Variants in ADCYAP1R1 observed in about 807,000 individuals in gnomAD.
The protein encoded by ADCYAP1R1 is pituitary adenylate cyclase-activating polypeptide type I receptor.
In ADCYAP1R1, 44 loss-of-function variants were observed where a neutral mutation model predicts 67.6. That is an observed-to-expected ratio of 0.65 (90% CI 0.51 to 0.84). The LOEUF is 0.84. Ranked by LOEUF, ADCYAP1R1 falls within the 40% of genes least tolerant of loss-of-function variation. ADCYAP1R1 has a pLI of 0.00. For synonymous variants in ADCYAP1R1, 222 were observed against 219.6 expected, an observed-to-expected ratio of 1.01 and a Z score of -0.10; for missense variants, 477 against 587.9, an observed-to-expected ratio of 0.81 and a Z score of 1.95.
intron 13 of ADCYAP1R1, among the ~76,000 whole-genome samples, chr7:31,101,695 G>C (rs1796444183): frequency 6.6e-6 from 1 of 152,214 alleles, no homozygotes; most frequent in Non-Finnish European, 1.5e-5. Context: ...GGATGCTGAG[G>C]CTCTCAAAGT....
intron 13 of ADCYAP1R1, among the ~76,000 whole-genome samples, chr7:31,095,312 A>G (rs1313199408): frequency 6.6e-6 from 1 of 152,182 alleles, no homozygotes; most frequent in African/African-American, 2.4e-5. Flanking sequence ...TTTCACCCCA[A>G]GCTTGACAGC....
Position 31,071,426 on chromosome 7 carries a change from A to G in ADCYAP1R1, c.157+6490A>G, listed in dbSNP as rs1794975071. ...TCCCCCAGTGGGGGCCTATACACAG[A>G]TGGAGCCATGAGGCTTGGAGTGTTG... On this transcript the variant is annotated intron_variant, in intron 3 of 15. Transcript: ENST00000304166. 3.3e-5 allele frequency among the ~76,000 whole-genome samples: 5 copies of G among 152,204 alleles called. 1 individual carries two copies. In the South Asian group the frequency reaches 1.0e-3, roughly 32 times the overall value.
intron 6 of ADCYAP1R1, among the ~76,000 whole-genome samples, chr7:31,082,824 T>A (rs1795565781): frequency 6.6e-6 from 1 of 152,236 alleles, no homozygotes. Flanking sequence ...CTCCCTGTTG[T>A]GGGCAGAACT....
intron 3 of ADCYAP1R1, among the ~76,000 whole-genome samples, chr7:31,070,038 C>T (rs1794908330): frequency 6.6e-6 from 1 of 152,164 alleles, no homozygotes; most frequent in Admixed American, 6.5e-5. Flanking sequence ...TGGTCATTGG[C>T]CAACCACATT....
chr7:31,092,764 C>G (rs776490187), intron 13 of ADCYAP1R1, 29 bp downstream of exon 13: 3 of 1,551,134 alleles, frequency 1.9e-6, no homozygotes, highest in Non-Finnish European at 2.7e-6. Flanking sequence ...CTGCCACAGC[C>G]ATTTCTGACA....
At chr7:31,082,444 G>T (rs1584511896) in intron 6 of ADCYAP1R1, among the ~76,000 whole-genome samples, 1 of 152,156 alleles carries the variant, frequency 6.6e-6, no homozygotes, top group Non-Finnish European at 1.5e-5. Context: ...AGGAAAAAAA[G>T]AAAGAAGGAA....
Position 31,087,653 on chromosome 7 carries a change from C to T in ADCYAP1R1, c.911C>T (p.Ala304Val), listed in dbSNP as rs750148464. The T allele has an allele frequency of 1.1e-5, 18 of 1,614,074 alleles. No individual in the cohort carries two copies. The highest frequency in any genetic ancestry group is 1.1e-4 in the East Asian group (5 of 44,874). The change falls in exon 12 of 16, where the codon GCT becomes GTT. Residue 304 changes from alanine to valine, a missense_variant. By Grantham distance (64) the Ala-to-Val change is moderately conservative. Transcript: ENST00000304166. ...TGCWDMNDSTALWWVIKGPVV... is the reference protein window; with the variant it reads ...TGCWDMNDSTVLWWVIKGPVV... ...TGCTGGGATATGAATGACAGCACAG[C>T]TCTGTGGTGGGTGATCAAAGGCCCT... is the stretch of plus-strand genomic sequence containing the variant.
intron 3 of ADCYAP1R1, among the ~76,000 whole-genome samples, chr7:31,070,916 C>T (rs372215350): frequency 4.6e-5 from 7 of 152,166 alleles, no homozygotes; most frequent in African/African-American, 9.7e-5. Flanking sequence ...AAGGCGAGGG[C>T]GGCATCTTTA....
intron 3 of ADCYAP1R1, among the ~76,000 whole-genome samples, chr7:31,073,017 C>T (rs1347922837): frequency 6.6e-6 from 1 of 152,114 alleles, no homozygotes; most frequent in Non-Finnish European, 1.5e-5. Context: ...CCTAGAACCT[C>T]CAGATGAAAT....
At chr7:31,073,902 G>A (rs1481417816) in intron 3 of ADCYAP1R1, among the ~76,000 whole-genome samples, 1 of 152,172 alleles carries the variant, frequency 6.6e-6, no homozygotes, top group Non-Finnish European at 1.5e-5. Context: ...TATACGAATT[G>A]TCTTTAGGAC....
chr7:31,085,204 C>T (rs1216077593), intron 8 of ADCYAP1R1, 106 bp from the exon 9 acceptor site: 3 of 1,464,598 alleles, frequency 2.0e-6, no homozygotes, highest in East Asian at 4.6e-5. Context: ...GGGTGGGAGA[C>T]CTGCTGAGAT....
At chr7:31,077,522 G>A (rs1421312584) in intron 3 of ADCYAP1R1, among the ~76,000 whole-genome samples, 1 of 149,636 alleles carries the variant, frequency 6.7e-6, no homozygotes, top group Non-Finnish European at 1.5e-5. Context: ...TGGTGTGTGT[G>A]TGATCTGTTT....
intron 7 of ADCYAP1R1, 61 bp downstream of exon 7, chr7:31,084,311 A>C: frequency 7.0e-7 from 1 of 1,422,516 alleles, no homozygotes; most frequent in Non-Finnish European, 9.9e-7. Context: ...AATTTAGGTC[A>C]GTAGGCAGCA....
Position 31,103,229 on chromosome 7 carries a change from T to G in ADCYAP1R1, c.1047-8T>G, listed in dbSNP as rs768138077. 1.2e-6 allele frequency: 2 copies of G among 1,613,780 alleles called. No individual in the cohort carries two copies. The highest frequency in any genetic ancestry group is 1.1e-5 in the South Asian group (1 of 91,002). On this transcript the variant is annotated splice_polypyrimidine_tract_variant and splice_region_variant and intron_variant, in intron 13 of 15. Coordinates refer to ENST00000304166, the MANE Select transcript of ADCYAP1R1 (RefSeq NM_001118.5). ...CCCCAGAGCAGATGTTTTGCTTTCC[T>G]CCGACAGGCGACTGGCCCGGTCCAC...
At chr7:31,073,401 G>A (rs1420363990) in intron 3 of ADCYAP1R1, among the ~76,000 whole-genome samples, 1 of 152,168 alleles carries the variant, frequency 6.6e-6, no homozygotes, top group Non-Finnish European at 1.5e-5. Flanking sequence ...ATGACAAAAG[G>A]CATCTTGAAA....
intron 13 of ADCYAP1R1, among the ~76,000 whole-genome samples, chr7:31,094,607 A>C (rs1796109840): frequency 6.6e-6 from 1 of 151,896 alleles, no homozygotes; most frequent in African/African-American, 2.4e-5. Context: ...TCCCTACTAA[A>C]TAGGATACCC....
chr7:31,073,896 C>A (rs1330476467), intron 3 of ADCYAP1R1, among the ~76,000 whole-genome samples: 1 of 152,110 alleles, frequency 6.6e-6, no homozygotes, highest in African/African-American at 2.4e-5. Flanking sequence ...TGGTACTATA[C>A]GAATTGTCTT....
At chr7:31,063,374 A>G in intron 2 of ADCYAP1R1, 59 bp downstream of exon 2, 2 of 1,597,194 alleles carry the variant, frequency 1.3e-6, no homozygotes, top group Non-Finnish European at 1.7e-6. Context: ...CCCGCTCCAG[A>G]GAACTCATGT....
At chr7:31,104,125 A>C (rs1456386348) in intron 14 of ADCYAP1R1, among the ~76,000 whole-genome samples, 1 of 152,094 alleles carries the variant, frequency 6.6e-6, no homozygotes, top group Non-Finnish European at 1.5e-5. Context: ...GAGACTGACT[A>C]TGGGTCTCAC....
Sources: allele counts gnomAD v4.1 joint callset (sites outside exome capture counted in the v4.1 genomes callset), GRCh38; gene constraint gnomAD v4.1.1; transcripts MANE v1.5; gene names NCBI Gene and HGNC (gene_info 2026-07-23, HGNC 2026-07-21).